The following MICALL1 variants were observed in gnomAD, a reference collection of about 807,000 sequenced individuals.
MICALL1 encodes MICAL-like protein 1.
MICALL1 carries 61 observed loss-of-function variants against 83.7 expected under a neutral mutation model. The observed-to-expected ratio is 0.73, with a 90% CI of 0.59 to 0.90. MICALL1 has a LOEUF of 0.90. MICALL1 is among the 40% of genes least tolerant of loss of function. MICALL1 has a pLI of 0.00. For missense variants in MICALL1, 1,066 were observed against 1,152.0 expected, an observed-to-expected ratio of 0.93 and a Z score of 1.08; for synonymous variants, 481 against 473.6, an observed-to-expected ratio of 1.02 and a Z score of -0.20.
chr22:37,918,949 G>A (rs1441203059), intron 4 of MICALL1, 87 bp from the exon 5 acceptor site: 21 of 1,402,666 alleles, frequency 1.5e-5, no homozygotes, highest in Non-Finnish European at 2.0e-5. Flanking sequence ...GACGGTGGCC[G>A]TTGGAGGGAG....
chr22:37,922,105 T>G lies in MICALL1; in HGVS notation c.703T>G (p.Ser235Ala), dbSNP rs757298781. 6.2e-7 allele frequency: 1 copy of G among 1,613,246 alleles called. No homozygotes were observed. ...TRSGTRPGPF[S>A]QPKQQHQQQL... ...GTCGGGGACCAGGCCTGGGCCCTTC[T>G]CACAGCCAAAGCAGCAGCACCAGCA... Residue 235 changes from serine to alanine, a missense_variant, in exon 6 of 16, where the codon TCA becomes GCA. By Grantham distance (99) the Ser-to-Ala change is moderately conservative. Transcript: ENST00000215957.
rs1041748429 is a variant in MICALL1, at chr22:37,932,864, G to A, written c.2210G>A (p.Arg737Gln). ...ATCCACGAGAAGCACCTACTGGTGCGGCGAGAGTCCGAGCTCATCTATGTG... is the reference window on the plus strand; with the variant it reads ...ATCCACGAGAAGCACCTACTGGTGCAGCGAGAGTCCGAGCTCATCTATGTG... ...KLIHEKHLLV[R>Q]RESELIYVFK... is the part of the protein sequence containing the mutation. Residue 737 changes from arginine (R) to glutamine (Q), a missense_variant, in exon 12 of 16, where the codon CGG becomes CAG. Arg to Gln is a conservative substitution (Grantham distance 43, BLOSUM62 1). Coordinates refer to ENST00000215957, the MANE Select transcript of MICALL1 (RefSeq NM_033386.4). This position sits in a 1 kb window ranked among gnomAD's most constrained non-coding sequence, Gnocchi z 4.4. 2 of 1,614,120 alleles carry A rather than the reference G, an allele frequency of 1.2e-6. No individual in the cohort carries two copies. Among genetic ancestry groups the A allele is most frequent in the South Asian group, 1.1e-5 (1 of 91,082 alleles).
intron 4 of MICALL1, 88 bp from the exon 5 acceptor site, chr22:37,918,948 C>T (rs774384337): frequency 8.8e-5 from 123 of 1,400,444 alleles, no homozygotes; most frequent in Non-Finnish European, 1.1e-4. Flanking sequence ...TGACGGTGGC[C>T]GTTGGAGGGA....
intron 3 of MICALL1, among the ~76,000 whole-genome samples, chr22:37,916,215 C>G (rs1228093784): frequency 6.6e-6 from 1 of 152,210 alleles, no homozygotes. Flanking sequence ...GGCATGGGCA[C>G]TCCCTCGCCC....
intron 1 of MICALL1, 132 bp from the exon 2 acceptor site, chr22:37,911,820 C>A: frequency 1.2e-6 from 1 of 852,446 alleles, no homozygotes; most frequent in East Asian, 2.4e-5. Context: ...GACTCCCCCC[C>A]AGCAACCCTG....
Position 37,925,961 on chromosome 22 carries a change from C to G in MICALL1, c.1383C>G (p.His461Gln). The G allele has an allele frequency of 6.2e-7, 1 of 1,613,956 alleles. No homozygotes were observed. Among genetic ancestry groups the G allele is most frequent in the Non-Finnish European group, 8.5e-7 (1 of 1,179,956 alleles). Reference sequence around the variant, plus strand: ...CGGAGTCCACACCCAAGTCCCTGCACCCCTGGTACGGCATCACCCCTACCA... The same window carrying G: ...CGGAGTCCACACCCAAGTCCCTGCAGCCCTGGTACGGCATCACCCCTACCA... ...GHPESTPKSL[H>Q]PWYGITPTSS... The change falls in exon 8 of 16, where the codon CAC becomes CAG. Residue 461 changes from histidine to glutamine, a missense_variant. Transcript: ENST00000215957.
At chr22:37,921,741 T>C (rs992970044) in intron 5 of MICALL1, among the ~76,000 whole-genome samples, 2 of 152,236 alleles carry the variant, frequency 1.3e-5, no homozygotes, top group Non-Finnish European at 2.9e-5. Flanking sequence ...TGAAGGCATT[T>C]TTCACAATTT....
intron 2 of MICALL1, 150 bp from the exon 3 acceptor site, chr22:37,912,201 G>A (rs1307212176): frequency 8.9e-7 from 1 of 1,127,270 alleles, no homozygotes; most frequent in Non-Finnish European, 1.3e-6. Flanking sequence ...AGGCCATCCT[G>A]TGGTGCTTGG....
rs771779190 is a variant in MICALL1, at chr22:37,940,765, A to G, written c.2527A>G (p.Lys843Glu). 1.4e-5 allele frequency: 23 copies of G among 1,614,032 alleles called. No individual in the cohort carries two copies. In the South Asian group the frequency reaches 2.5e-4, roughly 18 times the overall value. Reference protein sequence around the residue: ...GKKKGKFKTMKMLKLLGNKRD... With the variant: ...GKKKGKFKTMEMLKLLGNKRD... ...GAAGAAGGGGAAGTTCAAGACCATG[A>G]AGATGTTGAAACTGCTAGGAAACAA... Residue 843 changes from lysine (K) to glutamate (E), a missense_variant, in exon 16 of 16, where the codon AAG (lysine) becomes GAG (glutamate). Transcript: ENST00000215957.
chr22:37,939,358 A>ATTTTC (rs1286336710), intron 15 of MICALL1, among the ~76,000 whole-genome samples: 2 of 152,156 alleles, frequency 1.3e-5, no homozygotes, highest in East Asian at 3.8e-4. Flanking sequence ...AAAGGCCTAC[A>ATTTTC]TTTTCCTTGT....
In MICALL1 at chr22:37,932,494, G is replaced by A; in HGVS notation, c.2017-59G>A. 6.2e-7 allele frequency: 1 copy of A among 1,602,214 alleles called. No individual in the cohort carries two copies. Among genetic ancestry groups the A allele is most frequent in the East Asian group, 2.2e-5 (1 of 44,724 alleles). The stretch of plus-strand genomic sequence containing the variant: ...AGTGGCCAATGCTGGCCAGAGAAGA[G>A]GGCAAGGCTCCTGGCAGCAACCAGG... On this transcript the variant is annotated intron_variant, in intron 10 of 15. Transcript: ENST00000215957. The surrounding 1 kb of genome is among the most constrained non-coding windows in gnomAD (Gnocchi z 4.4).
chr22:37,928,412 T>A (rs914284643), intron 9 of MICALL1, among the ~76,000 whole-genome samples: 1 of 152,160 alleles, frequency 6.6e-6, no homozygotes, highest in Non-Finnish European at 1.5e-5. Context: ...TTCACCGTGT[T>A]AGCCAAGATG....
At chr22:37,923,717 C>T (rs1464833907) in intron 6 of MICALL1, among the ~76,000 whole-genome samples, 1 of 152,212 alleles carries the variant, frequency 6.6e-6, no homozygotes, top group East Asian at 1.9e-4. Flanking sequence ...AAGTGCCACT[C>T]TGCATGTGCC....
chr22:37,914,685 G>A (rs888817547), intron 3 of MICALL1, among the ~76,000 whole-genome samples: 2 of 151,798 alleles, frequency 1.3e-5, no homozygotes, highest in Non-Finnish European at 2.9e-5. Flanking sequence ...GTGTTGCCTA[G>A]GCTGGAGTGC....
chr22:37,922,605 T>TATATATATATAAA (rs1929141758), intron 6 of MICALL1, among the ~76,000 whole-genome samples, 179 bp downstream of exon 6: 1 of 61,172 alleles, frequency 1.6e-5, no homozygotes, highest in African/African-American at 7.1e-5. Flanking sequence ...ATATATATTT[T>TATATATATATAAA]TTTTTTTTTT....
intron 3 of MICALL1, among the ~76,000 whole-genome samples, chr22:37,914,979 C>T (rs561896820): frequency 2.6e-4 from 38 of 146,210 alleles, no homozygotes; most frequent in Middle Eastern, 3.4e-3. Context: ...AAAAAATAGC[C>T]GGGTGAAGTG....
At chr22:37,934,916 T>TTTTA (rs1178041823) in intron 13 of MICALL1, among the ~76,000 whole-genome samples, 18 of 147,588 alleles carry the variant, frequency 1.2e-4, no homozygotes, top group African/African-American at 3.5e-4. Context: ...ATTTATTTTA[T>TTTTA]TTTATTTATT....
Position 37,912,009 on chromosome 22 carries a change from C to A in MICALL1, c.195+9C>A. ...TCGAGAATAACCGTTTGGTAAGTTC[C>A]CGGACAGGTGGAAGCCCAAGAGGCT... On this transcript the variant is annotated intron_variant, in intron 2 of 15. Transcript: ENST00000215957. 6.2e-7 allele frequency: 1 copy of A among 1,613,790 alleles called. No individual in the cohort carries two copies. The highest frequency in any genetic ancestry group is 8.5e-7 in the Non-Finnish European group (1 of 1,179,878).
At position 37,931,793 on chromosome 22, in the gene MICALL1, C is replaced by T. The variant is rs1929800431; in HGVS notation, c.1882-6C>T. 1 of 1,613,938 alleles carries T rather than the reference C, an allele frequency of 6.2e-7. No individual in the cohort carries two copies. The highest frequency in any genetic ancestry group is 1.3e-5 in the African/African-American group (1 of 74,906). On this transcript the variant is annotated splice_polypyrimidine_tract_variant and splice_region_variant and intron_variant, in intron 9 of 15. Coordinates refer to ENST00000215957, the MANE Select transcript of MICALL1 (RefSeq NM_033386.4). ...CTCACCCTCTGTCATGTCTCCTTCC[C>T]TTTAGTCCTCCTGCAAGGAGAATCC...
Sources: gnomAD v4.1 joint callset for allele counts (sites outside exome capture counted in the v4.1 genomes callset) on GRCh38, gnomAD v4.1.1 for gene constraint, Gnocchi (gnomAD v3.1) non-coding constraint, MANE v1.5 for transcripts, NCBI Gene and HGNC (gene_info 2026-07-23, HGNC 2026-07-21) for gene names.